FARP1: variants seen among roughly 807,000 people sequenced by gnomAD.
FARP1 encodes FERM, ARHGEF and pleckstrin domain-containing protein 1.
A neutral mutation model predicts 128.8 loss-of-function variants in FARP1; 52 were observed. The observed-to-expected ratio is 0.40, with a 90% CI of 0.32 to 0.51. The LOEUF is 0.51. Among genes scored for constraint, FARP1 ranks in the 20% least tolerant of loss-of-function variants. The probability of loss-of-function intolerance (pLI) is 0.45; values close to 1 mark genes in which losing one functional copy is unlikely to be tolerated. For synonymous variants in FARP1, 580 were observed against 551.8 expected (o/e 1.05, Z -0.72); for missense variants, 1,333 against 1,367.9 (o/e 0.97, Z 0.40).
At chr13:98,231,728 T>C (rs919093365) in intron 2 of FARP1, among the ~76,000 whole-genome samples, 11 of 152,192 alleles carry the variant, frequency 7.2e-5, no homozygotes, top group African/African-American at 2.4e-4. Context: ...ACACCCGGCC[T>C]CATTTCTGTT....
chr13:98,435,870 A>C, intron 19 of FARP1, 164 bp downstream of exon 19: 1 of 765,296 alleles, frequency 1.3e-6, no homozygotes, highest in Non-Finnish European at 2.3e-6. Flanking sequence ...GTTAGTTCAG[A>C]ATCATTGTGT....
rs192372107 is a variant in FARP1, at chr13:98,412,132, G to A, written c.1826+98G>A. The A allele has an allele frequency of 8.5e-4, 1,008 of 1,179,344 alleles. 10 individuals carry two copies. The African/African-American group carries it at 0.014, about 16-fold the overall frequency. 73.1% of individuals were successfully genotyped at this position (1,179,344 alleles called of 1,614,324 possible). ...GTAGGCAGCAGGCAGGAACAAAGATGAAAGGCAGGAAACTGGCTTACAACA... is the reference window on the plus strand; with the variant it reads ...GTAGGCAGCAGGCAGGAACAAAGATAAAAGGCAGGAAACTGGCTTACAACA... On this transcript the variant is annotated intron_variant, in intron 16 of 26. Transcript: ENST00000319562.
In FARP1 at chr13:98,384,849, G is replaced by A. The variant is rs2140037740; in HGVS notation, c.611+5G>A. On this transcript the variant is annotated splice_donor_5th_base_variant and intron_variant, in intron 7 of 26. Coordinates refer to ENST00000319562, the MANE Select transcript of FARP1 (RefSeq NM_005766.4). ...GGAATTTCACCATAACCACATGTAAGTCTCATTCTTGGCTTCATATTCCCT... is the reference window on the plus strand; with the variant it reads ...GGAATTTCACCATAACCACATGTAAATCTCATTCTTGGCTTCATATTCCCT... 1 of 1,574,770 alleles carries A rather than the reference G, an allele frequency of 6.4e-7. No homozygotes were observed. The highest frequency in any genetic ancestry group is 1.3e-5 in the African/African-American group (1 of 74,256).
intron 1 of FARP1, among the ~76,000 whole-genome samples, chr13:98,189,479 G>A (rs1327126162): frequency 6.6e-6 from 1 of 152,088 alleles, no homozygotes; most frequent in Non-Finnish European, 1.5e-5. Context: ...TTGATGATGA[G>A]AGAATCATTA....
chr13:98,328,476 C>T (rs927592998), intron 2 of FARP1: 4 of 152,226 alleles, frequency 2.6e-5, no homozygotes, highest in African/African-American at 9.7e-5. Flanking sequence ...GTGGCTGTAA[C>T]TTCTGCAGCT....
intron 4 of FARP1, among the ~76,000 whole-genome samples, chr13:98,366,300 G>A (rs191115675): frequency 6.6e-6 from 1 of 152,330 alleles, no homozygotes; most frequent in Admixed American, 6.5e-5. Flanking sequence ...TGTGTGGCCC[G>A]TGTGCAATTG....
Position 98,448,302 on chromosome 13 carries a change from G to GTCTC in FARP1, c.3125_3128dup (p.Val1044SerfsTer55), listed in dbSNP as rs1892990161. 1 of 1,613,368 alleles carries GTCTC rather than the reference G, an allele frequency of 6.2e-7. No homozygotes were observed. Among genetic ancestry groups the GTCTC allele is most frequent in the Non-Finnish European group, 8.5e-7 (1 of 1,179,278 alleles). On this transcript the variant is annotated frameshift_variant, in exon 27 of 27. Coordinates refer to ENST00000319562, the MANE Select transcript of FARP1 (RefSeq NM_005766.4). LOFTEE classifies it high-confidence loss of function. ...GACCCCACGTGTTGAGTCACAAAGA[G>GTCTC]TCTCTTGTGTATTGATGGCCGGACA...
chr13:98,247,112 C>T (rs192134956), intron 2 of FARP1, among the ~76,000 whole-genome samples: 1 of 152,296 alleles, frequency 6.6e-6, no homozygotes, highest in Admixed American at 6.5e-5. Context: ...CTGTAACCCG[C>T]ATGCCTGTAA....
chr13:98,308,335 C>T (rs1273286012), intron 2 of FARP1, among the ~76,000 whole-genome samples: 6 of 152,242 alleles, frequency 3.9e-5, no homozygotes, highest in Non-Finnish European at 5.9e-5. Context: ...CTCAGGGGCA[C>T]GTGGGGCCTG....
intron 2 of FARP1, among the ~76,000 whole-genome samples, chr13:98,272,963 A>G (rs185063019): frequency 2.6e-5 from 4 of 152,332 alleles, no homozygotes. Flanking sequence ...AATATTCTAA[A>G]GAGGTATATT....
chr13:98,360,873 T>G (rs144265334), intron 3 of FARP1, among the ~76,000 whole-genome samples: 1 of 152,192 alleles, frequency 6.6e-6, no homozygotes, highest in East Asian at 1.9e-4. Context: ...GGGCTACGGT[T>G]TGGTTGAAGG....
intron 5 of FARP1, among the ~76,000 whole-genome samples, chr13:98,375,760 C>T (rs1889554379): frequency 6.6e-6 from 1 of 152,132 alleles, no homozygotes; most frequent in Non-Finnish European, 1.5e-5. Context: ...TCCCGAGTAG[C>T]TGGGATTACA....
At chr13:98,232,256 A>G (rs1247843445) in intron 2 of FARP1, among the ~76,000 whole-genome samples, 2 of 149,494 alleles carry the variant, frequency 1.3e-5, no homozygotes, top group African/African-American at 4.9e-5. Context: ...GTATACAGTC[A>G]CTTCAGATTT....
At chr13:98,215,757 C>T (rs770486868) in intron 2 of FARP1, among the ~76,000 whole-genome samples, 33 of 151,322 alleles carry the variant, frequency 2.2e-4, no homozygotes, top group Admixed American at 2.0e-3. Context: ...TGCCATTGTT[C>T]GTTTTCACAT....
At chr13:98,382,358 A>G (rs1022684913) in intron 6 of FARP1, 6 of 151,018 alleles carry the variant, frequency 4.0e-5, no homozygotes, top group African/African-American at 1.5e-4. Context: ...TCATGTCACT[A>G]TGGCGTGACA....
intron 3 of FARP1, among the ~76,000 whole-genome samples, chr13:98,358,625 A>AAT (rs2139938067): frequency 6.6e-6 from 1 of 152,194 alleles, no homozygotes; most frequent in South Asian, 2.1e-4. Context: ...ATTCAAAGTA[A>AAT]AGTTTTTTTG....
At chr13:98,313,323 C>CAT (rs1208789826) in intron 2 of FARP1, among the ~76,000 whole-genome samples, 3 of 151,652 alleles carry the variant, frequency 2.0e-5, no homozygotes, top group Non-Finnish European at 4.4e-5. Context: ...AACACACACA[C>CAT]ACACACACAC....
chr13:98,218,129 ACCCCACATCCTCG>A (rs755444732), intron 2 of FARP1, among the ~76,000 whole-genome samples: 3 of 90,724 alleles, frequency 3.3e-5, no homozygotes, highest in Non-Finnish European at 6.8e-5. Flanking sequence ...GCCCTCCCCC[ACCCCACATCCTCG>A]CCCCACATCC....
intron 4 of FARP1, among the ~76,000 whole-genome samples, 157 bp downstream of exon 4, chr13:98,365,594 ATG>A (rs1347689114): frequency 2.0e-5 from 3 of 152,236 alleles, no homozygotes; most frequent in Non-Finnish European, 4.4e-5. Context: ...TACTATTAAA[ATG>A]TGTGTCTTCT....
Sources: gnomAD v4.1 joint callset for allele counts (sites outside exome capture counted in the v4.1 genomes callset) on GRCh38, gnomAD v4.1.1 for gene constraint, MANE v1.5 for transcripts, NCBI Gene and HGNC (gene_info 2026-07-23, HGNC 2026-07-21) for gene names.